The following LRBA variants were observed in gnomAD, a reference collection of about 807,000 sequenced individuals.
The protein encoded by LRBA is LPS responsive beige-like anchor protein, also known as lipopolysaccharide-responsive and beige-like anchor protein.
A neutral mutation model predicts 330.0 loss-of-function variants in LRBA; 176 were observed. That is an observed-to-expected ratio of 0.53 (90% CI 0.47 to 0.60). The LOEUF (loss-of-function observed/expected upper bound fraction) is 0.60. LRBA is among the 20% of genes least tolerant of loss of function. LRBA has a pLI of 0.00. For missense variants in LRBA, 3,259 were observed against 3,444.8 expected, an observed-to-expected ratio of 0.95 and a Z score of 1.35; for synonymous variants, 1,230 against 1,193.0, an observed-to-expected ratio of 1.03 and a Z score of -0.64.
At chr4:150,688,795 G>C (rs1323872540) in intron 36 of LRBA, among the ~76,000 whole-genome samples, 1 of 152,162 alleles carries the variant, frequency 6.6e-6, no homozygotes, top group Admixed American at 6.6e-5. Context: ...AAAAAATCAG[G>C]AAACAACAGA....
chr4:150,455,418 G>T (rs935614691), intron 44 of LRBA, among the ~76,000 whole-genome samples: 2 of 151,932 alleles, frequency 1.3e-5, no homozygotes, highest in African/African-American at 2.4e-5. Context: ...TTAAGAAAAT[G>T]TGGCACATAT....
intron 16 of LRBA, among the ~76,000 whole-genome samples, chr4:150,896,106 A>C (rs895570075): frequency 4.6e-5 from 7 of 152,172 alleles, no homozygotes; most frequent in Non-Finnish European, 1.0e-4. Context: ...CATTTGTTAC[A>C]CTGGTTTCTG....
Position 150,848,927 on chromosome 4 carries a change from T to C in LRBA, c.4230A>G (p.Leu1410=). The part of the protein sequence containing the change: ...IEASVTFLQR[L]ISLVDVLIFA... ...ATATAAGCACATCCACAAGGCTAATTAGCCTCTGCAAAAATGTCACAGAGG... is the reference window on the plus strand; with the variant it reads ...ATATAAGCACATCCACAAGGCTAATCAGCCTCTGCAAAAATGTCACAGAGG... Residue 1410 remains leucine (L), a synonymous_variant, in exon 26 of 57, where the codon CTA becomes CTG. Transcript: ENST00000651943. 1 of 1,612,622 alleles carries C rather than the reference T, an allele frequency of 6.2e-7. No individual in the cohort carries two copies. Among genetic ancestry groups the C allele is most frequent in the East Asian group, 2.2e-5 (1 of 44,842 alleles).
chr4:150,283,804 C>T (rs1747837171), intron 54 of LRBA, among the ~76,000 whole-genome samples: 2 of 152,158 alleles, frequency 1.3e-5, no homozygotes, highest in African/African-American at 4.8e-5. Flanking sequence ...CCACAAATCA[C>T]TATATAAATA....
At chr4:150,734,216 G>A (rs1374963935) in intron 36 of LRBA, among the ~76,000 whole-genome samples, 8 of 151,538 alleles carry the variant, frequency 5.3e-5, no homozygotes, top group Admixed American at 2.0e-4. Flanking sequence ...TGATATCTTC[G>A]TGTTTTTTCT....
chr4:150,970,310 G>A (rs1739386864), intron 2 of LRBA, among the ~76,000 whole-genome samples: 1 of 151,672 alleles, frequency 6.6e-6, no homozygotes, highest in Non-Finnish European at 1.5e-5. Flanking sequence ...GACCAGCCTG[G>A]GCAACTTAGG....
chr4:150,372,338 G>A (rs1561081174), intron 47 of LRBA, among the ~76,000 whole-genome samples: 1 of 151,960 alleles, frequency 6.6e-6, no homozygotes, highest in African/African-American at 2.4e-5. Context: ...GGCTGGGCAT[G>A]GTGACGCATG....
rs564394727 is a variant in LRBA at position 150,269,975 on chromosome 4, C to T, written c.8469-4163G>A. Reference sequence around the variant, plus strand: ...CAAACAAAAAGTAAAATCTTTTGAGCATCTAAGGATATTAGGAAGAGAGTG... The same window carrying T: ...CAAACAAAAAGTAAAATCTTTTGAGTATCTAAGGATATTAGGAAGAGAGTG... On this transcript the variant is annotated intron_variant, in intron 56 of 56. Coordinates refer to ENST00000651943, the MANE Select transcript of LRBA (RefSeq NM_001364905.1). 5.3e-5 allele frequency among the ~76,000 whole-genome samples: 8 copies of T among 152,236 alleles called. No homozygotes were observed. The South Asian group carries it at 1.7e-3, about 32-fold the overall frequency.
At chr4:150,802,243 G>A (rs1741760954) in intron 33 of LRBA, among the ~76,000 whole-genome samples, 1 of 145,794 alleles carries the variant, frequency 6.9e-6, no homozygotes. Flanking sequence ...AAAAACCACA[G>A]TGCAAAATTT....
rs111586711 is a variant in LRBA, at chr4:150,577,251, A to T, written c.6330+10797T>A. Among the ~76,000 whole-genome samples the T allele has an allele frequency of 2.0e-5, 3 of 152,010 alleles. No homozygotes were observed. The East Asian group carries it at 5.8e-4, about 29-fold the overall frequency. ...ACACATCTTACATATATTTAAATATAATTACTTCAATAAAATTTCATCAAC... is the reference window on the plus strand; with the variant it reads ...ACACATCTTACATATATTTAAATATTATTACTTCAATAAAATTTCATCAAC... On this transcript the variant is annotated intron_variant, in intron 40 of 56. Coordinates refer to ENST00000651943, the MANE Select transcript of LRBA (RefSeq NM_001364905.1).
chr4:150,648,743 G>A (rs76408243), intron 37 of LRBA, among the ~76,000 whole-genome samples: 199 of 152,198 alleles, frequency 1.3e-3, no homozygotes, highest in Middle Eastern at 0.01. Context: ...TAAGTTTGGG[G>A]ACAATGCCAA....
At chr4:150,487,008 A>G (rs1757956874) in intron 42 of LRBA, among the ~76,000 whole-genome samples, 1 of 151,850 alleles carries the variant, frequency 6.6e-6, no homozygotes. Flanking sequence ...TTGCATATAT[A>G]TACAACCAAA....
In LRBA at chr4:150,852,003, G is replaced by A; in HGVS notation, c.3707C>T (p.Ser1236Phe). The A allele has an allele frequency of 6.2e-7, 1 of 1,614,160 alleles. No individual in the cohort carries two copies. Among genetic ancestry groups the A allele is most frequent in the Non-Finnish European group, 8.5e-7 (1 of 1,180,008 alleles). Residue 1236 changes from serine (S) to phenylalanine (F), a missense_variant, in exon 23 of 57, where the codon TCT becomes TTT. By Grantham distance (155) the Ser-to-Phe change is radical. Transcript: ENST00000651943. ...CAACTTCGCAATCTTTTGCTCAGAA[G>A]AAGCCTCAGAGACACTACCATGACA... ...NDCHGSVSEA[S>F]SEQKIAKLDV... is the part of the protein sequence containing the mutation.
At chr4:150,350,772 A>G (rs974462290) in intron 47 of LRBA, among the ~76,000 whole-genome samples, 4 of 152,322 alleles carry the variant, frequency 2.6e-5, no homozygotes, top group East Asian at 1.9e-4. Flanking sequence ...AGGGCCTGAC[A>G]GGTACTCGAT....
intron 56 of LRBA, among the ~76,000 whole-genome samples, chr4:150,274,872 C>G (rs1746559423): frequency 6.6e-6 from 1 of 152,140 alleles, no homozygotes; most frequent in South Asian, 2.1e-4. Flanking sequence ...GAGCTGGTAC[C>G]ATTCCTTCTG....
chr4:150,879,959 A>T (rs1163448332), intron 17 of LRBA, among the ~76,000 whole-genome samples: 1 of 152,210 alleles, frequency 6.6e-6, no homozygotes, highest in Non-Finnish European at 1.5e-5. Context: ...CAAAAAGAAC[A>T]AAGCTGGAGT....
At chr4:150,538,733 G>C (rs1364458799) in intron 40 of LRBA, among the ~76,000 whole-genome samples, 1 of 150,340 alleles carries the variant, frequency 6.7e-6, no homozygotes, top group Non-Finnish European at 1.5e-5. Flanking sequence ...GGCTGAGGCA[G>C]AATGATTGCT....
chr4:150,786,867 A>C (rs980077568), intron 34 of LRBA, among the ~76,000 whole-genome samples: 1 of 152,216 alleles, frequency 6.6e-6, no homozygotes, highest in Non-Finnish European at 1.5e-5. Flanking sequence ...GGCAGCAGGC[A>C]AGAAGAACCT....
intron 37 of LRBA, among the ~76,000 whole-genome samples, chr4:150,658,505 G>C (rs200622961): frequency 0.075 from 1,593 of 21,122 alleles, 85 homozygotes; most frequent in East Asian, 0.14. Flanking sequence ...GAAAATAAAA[G>C]TCTCCCTCTC....
Sources: allele counts gnomAD v4.1 joint callset (sites outside exome capture counted in the v4.1 genomes callset), GRCh38; gene constraint gnomAD v4.1.1; transcripts MANE v1.5; gene names NCBI Gene and HGNC (gene_info 2026-07-23, HGNC 2026-07-21).